TEP1: variants seen among roughly 807,000 people sequenced by gnomAD.
TEP1 encodes telomerase associated protein 1.
A neutral mutation model predicts 306.3 loss-of-function variants in TEP1; 241 were observed. The ratio of observed to expected loss-of-function variants is 0.79; its 90% CI spans 0.71 to 0.88. TEP1 has a LOEUF of 0.88. Among genes scored for constraint, TEP1 ranks in the 40% least tolerant of loss-of-function variants. The pLI, the probability that TEP1 is intolerant of heterozygous loss-of-function variation, is 0.00. For missense variants in TEP1, 3,051 were observed against 3,276.1 expected (o/e 0.93, Z 1.68); for synonymous variants, 1,289 against 1,305.5 (o/e 0.99, Z 0.27).
chr14:20,396,486 C>G (rs187697681), intron 10 of TEP1, 135 bp downstream of exon 10: 1 of 613,114 alleles, frequency 1.6e-6, no homozygotes, highest in East Asian at 2.8e-5. Flanking sequence ...GATCTACTTA[C>G]AGCCCACATG....
chr14:20,397,016 A>G (rs1326529119), intron 9 of TEP1, among the ~76,000 whole-genome samples: 6 of 152,194 alleles, frequency 3.9e-5, no homozygotes, highest in Non-Finnish European at 8.8e-5. Context: ...AATCTACCCT[A>G]CTCAAAATGT....
chr14:20,381,423 A>T lies in TEP1; in HGVS notation c.4559-22T>A. 6.2e-7 allele frequency: 1 copy of T among 1,613,854 alleles called. No homozygotes were observed. On this transcript the variant is annotated intron_variant, in intron 31 of 54. Transcript: ENST00000262715. The surrounding 1 kb of genome is among the most constrained non-coding windows in gnomAD (Gnocchi z 4.0). Reference sequence around the variant, plus strand: ...TGAGCTGCATGAACAGATATTGAGAAAGGCTCAGCCCTGCATCATTCCCAA... The same window carrying T: ...TGAGCTGCATGAACAGATATTGAGATAGGCTCAGCCCTGCATCATTCCCAA...
intron 15 of TEP1, among the ~76,000 whole-genome samples, chr14:20,390,325 C>G (rs1877583116): frequency 6.6e-6 from 1 of 152,220 alleles, no homozygotes; most frequent in South Asian, 2.1e-4. Context: ...TCTACACGTG[C>G]TTATTTACAT....
Position 20,384,986 on chromosome 14 carries a change from T to C in TEP1, c.3106A>G (p.Ser1036Gly), listed in dbSNP as rs1278279487. 6.2e-7 allele frequency: 1 copy of C among 1,614,208 alleles called. No individual in the cohort carries two copies. Among genetic ancestry groups the C allele is most frequent in the Non-Finnish European group, 8.5e-7 (1 of 1,180,042 alleles). The part of the protein sequence containing the change: ...LIYFRDSSFL[S>G]SVPDAWKSDF... ...CAGCCTGCAGGCAACAGACAGTACC[T>C]GAGGAAGCTGGAATCCCGGAAGTAG... The change falls in exon 21 of 55, where the codon AGC becomes GGC. Residue 1036 changes from serine to glycine, a missense_variant and splice_region_variant. Ser to Gly is a moderately conservative substitution (Grantham distance 56). Around this residue, in one of 3 missense-constraint regions of TEP1, gnomAD observed 1,507 missense variants for 1,550.5 expected, o/e 0.97. Transcript: ENST00000262715.
intron 9 of TEP1, 86 bp from the exon 10 acceptor site, chr14:20,396,816 G>A: frequency 3.3e-6 from 3 of 908,264 alleles, no homozygotes; most frequent in Non-Finnish European, 5.0e-6. Context: ...CTACCAAGGA[G>A]GCTGAGACAG....
In TEP1 at chr14:20,383,777, G is replaced by A; in HGVS notation, c.3676C>T (p.Leu1226=). The A allele has an allele frequency of 1.2e-6, 2 of 1,611,588 alleles. No individual in the cohort carries two copies. The highest frequency in any genetic ancestry group is 1.7e-6 in the Non-Finnish European group (2 of 1,179,386). ...CTGGGGAGGGCACCTGGCTCTTTTA[G>A]TTGGCCACGCAGATAGGTACAGAGG... is the stretch of plus-strand genomic sequence containing the variant. ...RRLCTYLRGQ[L]KEPGALPSTY... The change falls in exon 25 of 55, where the codon CTA becomes TTA. Residue 1226 remains leucine, a synonymous_variant. Transcript: ENST00000262715.
chr14:20,412,436 A>G (rs1290214454), intron 1 of TEP1, among the ~76,000 whole-genome samples: 3 of 152,140 alleles, frequency 2.0e-5, no homozygotes, highest in Non-Finnish European at 4.4e-5. Flanking sequence ...TGAACCACAA[A>G]TGGAAAGTTA....
chr14:20,389,744 T>G lies in TEP1; in HGVS notation c.2335-4A>C, dbSNP rs1271499182. On this transcript the variant is annotated splice_region_variant and splice_polypyrimidine_tract_variant and intron_variant, in intron 15 of 54. Transcript: ENST00000262715. ...CAAGGAGGATGACCCTGTCCACCTG[T>G]AAGATGAAAAGGGAGAAGATGCTAG... The G allele has an allele frequency of 1.2e-6, 2 of 1,613,722 alleles. No homozygotes were observed. Among genetic ancestry groups the G allele is most frequent in the African/African-American group, 2.7e-5 (2 of 74,892 alleles).
Position 20,387,928 on chromosome 14 carries a change from G to A in TEP1, c.2661C>T (p.Pro887=). ...ACCCTTGCTGGGAAACAGGAGCCAA[G>A]GGGCTTGGAGTGTCCTCTTCCAGTG... ...LRPLEEDTPS[P]LAPVSQQGWR... Residue 887 remains proline (P), a synonymous_variant, in exon 18 of 55, where the codon CCC becomes CCT. Transcript: ENST00000262715. The A allele has an allele frequency of 6.2e-7, 1 of 1,607,610 alleles. No individual in the cohort carries two copies. Among genetic ancestry groups the A allele is most frequent in the Non-Finnish European group, 8.5e-7 (1 of 1,178,034 alleles).
At position 20,395,499 on chromosome 14, in the gene TEP1, C is replaced by T. The variant is rs200640923; in HGVS notation, c.1879G>A (p.Val627Met). 6.2e-7 allele frequency: 1 copy of T among 1,613,244 alleles called. No homozygotes were observed. Among genetic ancestry groups the T allele is most frequent in the East Asian group, 2.2e-5 (1 of 44,872 alleles). ...QQLRMAMRIP[V>M]LYEQLKREKL... Reference sequence around the variant, plus strand: ...TCCCTCTTGAGCTGCTCATACAACACAGGTATCCTCATTGCCATCCGAAGC... The same window carrying T: ...TCCCTCTTGAGCTGCTCATACAACATAGGTATCCTCATTGCCATCCGAAGC... Residue 627 changes from valine (V) to methionine (M), a missense_variant, in exon 12 of 55, where the codon GTG becomes ATG. Physicochemically the swap from Val to Met is conservative, Grantham distance 21. Around this residue, in one of 3 missense-constraint regions of TEP1, gnomAD observed 1,507 missense variants for 1,550.5 expected, o/e 0.97. Coordinates refer to ENST00000262715, the MANE Select transcript of TEP1 (RefSeq NM_007110.5).
intron 12 of TEP1, 86 bp from the exon 13 acceptor site, chr14:20,391,853 AG>A: frequency 6.8e-7 from 1 of 1,462,004 alleles, no homozygotes; most frequent in Non-Finnish European, 9.4e-7. Context: ...GTTGCCACTA[AG>A]TATTGAGTCT....
intron 33 of TEP1, 147 bp downstream of exon 33, chr14:20,380,784 C>T (rs767583635): frequency 6.9e-6 from 5 of 728,826 alleles, no homozygotes; most frequent in African/African-American, 1.8e-5. Context: ...CACGTGCTCA[C>T]CCTCTTGGCA....
Position 20,383,541 on chromosome 14 carries a change from C to T in TEP1, c.3814G>A (p.Val1272Met), listed in dbSNP as rs774410476. ...VLIIDGADRLVDQNGQLISDW... is the reference protein window; with the variant it reads ...VLIIDGADRLMDQNGQLISDW... ...GAAATCAGCTGCCCATTCTGGTCCA[C>T]TAACCTATCAGCCCCATCGATGATC... Residue 1272 changes from valine to methionine, a missense_variant, in exon 26 of 55, where the codon GTG (valine) becomes ATG (methionine). Physicochemically the swap from Val to Met is conservative, Grantham distance 21. Around this residue, in one of 3 missense-constraint regions of TEP1, gnomAD observed 1,540 missense variants for 1,705.9 expected, o/e 0.90. Coordinates refer to ENST00000262715, the MANE Select transcript of TEP1 (RefSeq NM_007110.5). The T allele has an allele frequency of 6.2e-7, 1 of 1,614,270 alleles. No individual in the cohort carries two copies. The highest frequency in any genetic ancestry group is 1.7e-5 in the Admixed American group (1 of 60,026).
At position 20,372,837 on chromosome 14, in the gene TEP1, A is replaced by G. The variant is rs997264721; in HGVS notation, c.6972T>C (p.Ala2324=). ...AGGTGTGTGCCGAGGACCAGATCAG[A>G]GCACCAATGTGGCCTGGAGCCTGGT... ...ATAQAPGHIG[A]LIWSSAHTFF... is the part of the protein sequence containing the mutation. Residue 2324 remains alanine, a synonymous_variant, in exon 49 of 55, where the codon GCT becomes GCC. Coordinates refer to ENST00000262715, the MANE Select transcript of TEP1 (RefSeq NM_007110.5). The G allele has an allele frequency of 6.2e-7, 1 of 1,614,082 alleles. No homozygotes were observed. The highest frequency in any genetic ancestry group is 8.5e-7 in the Non-Finnish European group (1 of 1,180,050).
chr14:20,391,036 C>G lies in TEP1; in HGVS notation c.2158G>C (p.Asp720His), dbSNP rs1200148823. ...GMMITRAEQV[D>H]VVLCGGDTLK... Reference sequence around the variant, plus strand: ...GTGTCACCTCCACACAGCACGACGTCCACCTGCTCCGCCCTCGTGATCATC... The same window carrying G: ...GTGTCACCTCCACACAGCACGACGTGCACCTGCTCCGCCCTCGTGATCATC... Residue 720 changes from aspartate (D) to histidine (H), a missense_variant, in exon 14 of 55, where the codon GAC (aspartate) becomes CAC (histidine). This residue lies in a region of TEP1 where 1,507 missense variants were observed against 1,550.5 expected (regional missense o/e 0.97). Transcript: ENST00000262715. 5 of 1,614,052 alleles carry G rather than the reference C, an allele frequency of 3.1e-6. No homozygotes were observed. The highest frequency in any genetic ancestry group is 4.2e-6 in the Non-Finnish European group (5 of 1,180,050).
At position 20,389,246 on chromosome 14, in the gene TEP1, C is replaced by T. The variant is rs762588377; in HGVS notation, c.2517G>A (p.Ala839=). ...NDVTLSGCTD[A]ILKFIAEHGA... ...ATCCATTCTGTACTCACTTCAGTAT[C>T]GCATCAGTACAGCCTGAGAGTGTCA... The change falls in exon 17 of 55, where the codon GCG becomes GCA. Residue 839 remains alanine (A), a synonymous_variant. Transcript: ENST00000262715. 34 of 1,613,894 alleles carry T rather than the reference C, an allele frequency of 2.1e-5. No individual in the cohort carries two copies. The highest frequency in any genetic ancestry group is 2.7e-5 in the Non-Finnish European group (32 of 1,179,948).
At chr14:20,389,969 G>A (rs1223651188) in intron 15 of TEP1, among the ~76,000 whole-genome samples, 1 of 152,208 alleles carries the variant, frequency 6.6e-6, no homozygotes, top group Non-Finnish European at 1.5e-5. Flanking sequence ...AGGCTCAAGA[G>A]AGCTGATTGT....
In TEP1 at chr14:20,376,061, G is replaced by A. The variant is rs145400735; in HGVS notation, c.6249+43C>T. 2.2e-4 allele frequency: 357 copies of A among 1,598,436 alleles called. No homozygotes were observed. In the African/African-American group the frequency reaches 3.6e-3, roughly 16 times the overall value. On this transcript the variant is annotated intron_variant, in intron 42 of 54. Coordinates refer to ENST00000262715, the MANE Select transcript of TEP1 (RefSeq NM_007110.5). ...GGGTTGTTAAGAAATCTAGGAACTA[G>A]AGAGGCTATGGGACCCCAGGGTTGC...
Position 20,377,607 on chromosome 14 carries a change from G to A in TEP1, c.5868C>T (p.Ile1956=). ...CCATTCCCATTTCAGTACCTGAAGA[G>A]ATTTTGTAGATCCTAATGCCATCCG... ...YRADGIRIYK[I]SSGSQGAQGQ... Residue 1956 remains isoleucine (I), a synonymous_variant, in exon 40 of 55, where the codon ATC becomes ATT. Coordinates refer to ENST00000262715, the MANE Select transcript of TEP1 (RefSeq NM_007110.5). 6.2e-7 allele frequency: 1 copy of A among 1,614,166 alleles called. No homozygotes were observed. Among genetic ancestry groups the A allele is most frequent in the East Asian group, 2.2e-5 (1 of 44,864 alleles).
Sources: allele counts gnomAD v4.1 joint callset (sites outside exome capture counted in the v4.1 genomes callset), GRCh38; gene constraint gnomAD v4.1.1; regional missense constraint gnomAD v4.1.1; non-coding constraint Gnocchi (gnomAD v3.1); transcripts MANE v1.5; gene names NCBI Gene and HGNC (gene_info 2026-07-23, HGNC 2026-07-21).